Variants in TRPM3 observed in about 807,000 individuals in gnomAD.
The protein encoded by TRPM3 is transient receptor potential cation channel subfamily M member 3.
Under a neutral mutation model 181.2 loss-of-function variants are expected in TRPM3, and 77 were observed. That is an observed-to-expected ratio of 0.42 (90% CI 0.35 to 0.51). TRPM3 has a LOEUF of 0.51. Among genes scored for constraint, TRPM3 ranks in the 20% least tolerant of loss-of-function variants. The pLI is 0.01. For missense variants in TRPM3, 1,759 were observed against 2,196.7 expected, an observed-to-expected ratio of 0.80 and a Z score of 3.98; for synonymous variants, 745 against 796.4, an observed-to-expected ratio of 0.94 and a Z score of 1.09.
Position 71,282,366 on chromosome 9 carries a change from AGAAT to A in TRPM3, c.183+164283_183+164286del, listed in dbSNP as rs1236060859. The stretch of plus-strand genomic sequence containing the variant: ...AAAGAAAAGAAAGAAAGAAAAAGAA[AGAAT>A]GAAAGAAAGAAAGAAAGGAAAGAAA... On this transcript the variant is annotated intron_variant, in intron 1 of 24. Coordinates refer to the TRPM3 transcript ENST00000357533. Among the ~76,000 whole-genome samples, 40 of 117,488 alleles carry A rather than the reference AGAAT, an allele frequency of 3.4e-4. 6 individuals are homozygous for A. Among genetic ancestry groups the A allele is most frequent in the African/African-American group, 1.4e-3 (39 of 27,160 alleles). 77.1% of individuals were successfully genotyped at this position (117,488 alleles called of 152,430 possible). A position where few individuals can be genotyped will look rare whatever the true frequency, so the allele number is the denominator to read the frequency against.
Position 70,603,343 on chromosome 9 carries a change from T to G in TRPM3, c.2795A>C (p.Glu932Ala), listed in dbSNP as rs1412785607. 6.2e-7 allele frequency: 1 copy of G among 1,612,368 alleles called. No homozygotes were observed. The highest frequency in any genetic ancestry group is 1.7e-5 in the Admixed American group (1 of 59,688). ...GTTTTCTTTTATAAAAGCCGTTACCTCTCTCATCTTTTCTATTCCCAGGGT... is the reference window on the plus strand; with the variant it reads ...GTTTTCTTTTATAAAAGCCGTTACCGCTCTCATCTTTTCTATTCCCAGGGT... The part of the protein sequence containing the change: ...IFTLGIEKMR[E>A]ILMSEPGKLL... The change falls in exon 20 of 26, where the codon GAG becomes GCG. Residue 932 changes from glutamate (E) to alanine (A), a missense_variant and splice_region_variant. By Grantham distance (107) the Glu-to-Ala change is moderately radical. Around this residue, in one of 8 missense-constraint regions of TRPM3, gnomAD observed 100 missense variants for 123.0 expected, o/e 0.81. Coordinates refer to ENST00000677713, the MANE Select transcript of TRPM3 (RefSeq NM_001366145.2).
At chr9:71,017,735 T>G (rs2097795985) in intron 1 of TRPM3, among the ~76,000 whole-genome samples, 1 of 151,766 alleles carries the variant, frequency 6.6e-6, no homozygotes, top group African/African-American at 2.4e-5. Flanking sequence ...AGAAATTCCA[T>G]AATAATCATC....
At chr9:70,807,853 A>G (rs904082085) in intron 6 of TRPM3, among the ~76,000 whole-genome samples, 1 of 152,176 alleles carries the variant, frequency 6.6e-6, no homozygotes, top group African/African-American at 2.4e-5. Flanking sequence ...TGGAGGGAAT[A>G]CTAGGGATGG....
At chr9:70,682,195 T>C (rs559272603) in intron 8 of TRPM3, among the ~76,000 whole-genome samples, 49 of 152,174 alleles carry the variant, frequency 3.2e-4, no homozygotes, top group Non-Finnish European at 5.7e-4. Flanking sequence ...TTTGGGGCCC[T>C]TGCTATGAGT....
chr9:71,275,654 T>C (rs1019066521), intron 1 of TRPM3, among the ~76,000 whole-genome samples: 8 of 152,128 alleles, frequency 5.3e-5, no homozygotes, highest in Non-Finnish European at 1.0e-4. Flanking sequence ...GACTACCAGA[T>C]AGCAAACTTC....
intron 12 of TRPM3, among the ~76,000 whole-genome samples, chr9:70,628,623 A>T (rs1589509699): frequency 6.6e-6 from 1 of 152,066 alleles, no homozygotes. Context: ...GGAGTTTGAG[A>T]CCAGCCTGGG....
chr9:70,701,183 T>C (rs1439264498), intron 8 of TRPM3, among the ~76,000 whole-genome samples: 1 of 152,206 alleles, frequency 6.6e-6, no homozygotes, highest in African/African-American at 2.4e-5. Flanking sequence ...TAAAAAGGAA[T>C]AGACACATCT....
intron 1 of TRPM3, among the ~76,000 whole-genome samples, chr9:71,026,705 G>A (rs72731752): frequency 0.066 from 10,063 of 152,202 alleles, 364 homozygotes; most frequent in Middle Eastern, 0.095. Context: ...CTGTGCTGAC[G>A]CTGACACCGG....
chr9:70,741,342 C>T (rs2074047268), intron 8 of TRPM3, among the ~76,000 whole-genome samples: 1 of 152,150 alleles, frequency 6.6e-6, no homozygotes, highest in Non-Finnish European at 1.5e-5. Context: ...GAAAACAGAA[C>T]ACTCTTAACA....
At chr9:71,430,603 A>G (rs938751550) in intron 1 of TRPM3, among the ~76,000 whole-genome samples, 35 of 152,004 alleles carry the variant, frequency 2.3e-4, no homozygotes, top group African/African-American at 8.0e-4. Flanking sequence ...CACAAGGTCA[A>G]GAGTTCGAGA....
intron 1 of TRPM3, among the ~76,000 whole-genome samples, chr9:70,932,109 C>G (rs987476026): frequency 6.6e-6 from 1 of 152,108 alleles, no homozygotes; most frequent in African/African-American, 2.4e-5. Context: ...GCAAGAAAAC[C>G]ATAACATTTG....
intron 1 of TRPM3, among the ~76,000 whole-genome samples, chr9:71,107,548 T>C (rs7036586): frequency 0.085 from 12,963 of 152,248 alleles, 1,198 homozygotes; most frequent in African/African-American, 0.24. Context: ...CGTCTTTGAA[T>C]TTCTAATACC....
Position 70,553,268 on chromosome 9 carries a change from A to G in TRPM3, c.3266T>C (p.Ile1089Thr), listed in dbSNP as rs2131866295. ...TCCTGTCTTGCAGGGAGGCAGCTGG[A>G]TTATTTTACCATCCTCTCGGGTCTC... is the stretch of plus-strand genomic sequence containing the variant. ...QNETREDGKI[I>T]QLPPCKTGAW... Residue 1089 changes from isoleucine to threonine, a missense_variant, in exon 23 of 26, where the codon ATC (isoleucine) becomes ACC (threonine). Ile to Thr is a moderately conservative substitution (Grantham distance 89). Coordinates refer to ENST00000677713, the MANE Select transcript of TRPM3 (RefSeq NM_001366145.2). The G allele has an allele frequency of 1.2e-6, 2 of 1,614,144 alleles. No individual in the cohort carries two copies. The highest frequency in any genetic ancestry group is 2.7e-5 in the African/African-American group (2 of 75,044).
intron 8 of TRPM3, among the ~76,000 whole-genome samples, chr9:70,687,164 G>T (rs1438780109): frequency 6.6e-6 from 1 of 152,078 alleles, no homozygotes; most frequent in Non-Finnish European, 1.5e-5. Context: ...TCATAATGTG[G>T]TATACTTTTC....
At chr9:70,965,893 G>A (rs1238144921) in intron 1 of TRPM3, among the ~76,000 whole-genome samples, 1 of 151,888 alleles carries the variant, frequency 6.6e-6, no homozygotes, top group Admixed American at 6.6e-5. Flanking sequence ...TGACAAATGG[G>A]ATCTCTTTAA....
At chr9:71,147,020 TA>T (rs2075447301) in intron 1 of TRPM3, among the ~76,000 whole-genome samples, 1 of 152,150 alleles carries the variant, frequency 6.6e-6, no homozygotes, top group African/African-American at 2.4e-5. Flanking sequence ...GGAAACCAAG[TA>T]GGGGCTAGCC....
At position 70,619,044 on chromosome 9, in the gene TRPM3, G is replaced by C; in HGVS notation, c.2181C>G (p.Asp727Glu). The C allele has an allele frequency of 6.2e-7, 1 of 1,614,190 alleles. No individual in the cohort carries two copies. Among genetic ancestry groups the C allele is most frequent in the Non-Finnish European group, 8.5e-7 (1 of 1,180,034 alleles). ...TCAGCAGTTTCATGGCCAGCTGTTC[G>C]TCCTGCTTGTAGGACTGGTCCAGGA... ...VELLDQSYKQ[D>E]EQLAMKLLTY... The change falls in exon 17 of 26, where the codon GAC (aspartate) becomes GAG (glutamate). Residue 727 changes from aspartate to glutamate, a missense_variant. Asp to Glu is a conservative substitution (Grantham distance 45, BLOSUM62 2). This residue lies in a region of TRPM3 where 737 missense variants were observed against 957.4 expected (regional missense o/e 0.77). Transcript: ENST00000677713.
intron 1 of TRPM3, among the ~76,000 whole-genome samples, chr9:71,012,439 CT>C (rs2097753983): frequency 6.6e-6 from 1 of 151,104 alleles, no homozygotes; most frequent in Admixed American, 6.6e-5. Flanking sequence ...CAGAGTTAAC[CT>C]TCCCTTACTG....
chr9:70,779,736 G>GT (rs1382073935), intron 7 of TRPM3, among the ~76,000 whole-genome samples: 2 of 152,036 alleles, frequency 1.3e-5, no homozygotes, highest in African/African-American at 2.4e-5. Context: ...CTTTAACTTT[G>GT]TCATGTTTAG....
Sources: allele counts gnomAD v4.1 joint callset (sites outside exome capture counted in the v4.1 genomes callset), GRCh38; gene constraint gnomAD v4.1.1; regional missense constraint gnomAD v4.1.1; transcripts MANE v1.5; gene names NCBI Gene and HGNC (gene_info 2026-07-23, HGNC 2026-07-21).